PTPRZ1: variants seen among roughly 807,000 people sequenced by gnomAD.
PTPRZ1 encodes the protein protein tyrosine phosphatase receptor type Z1.
In PTPRZ1, 82 loss-of-function variants were observed where a neutral mutation model predicts 214.1. The ratio of observed to expected loss-of-function variants is 0.38; its 90% CI spans 0.32 to 0.46. PTPRZ1 has a LOEUF of 0.46. Ranked by LOEUF, PTPRZ1 falls within the 20% of genes least tolerant of loss-of-function variation. The probability of loss-of-function intolerance (pLI) is 1.00; values close to 1 mark genes in which losing one functional copy is unlikely to be tolerated. For synonymous variants in PTPRZ1, 945 were observed against 987.9 expected, an observed-to-expected ratio of 0.96 and a Z score of 0.81; for missense variants, 2,603 against 2,748.7, an observed-to-expected ratio of 0.95 and a Z score of 1.19.
chr7:121,926,649 G>A lies in PTPRZ1; in HGVS notation c.59-1507G>A, dbSNP rs1033245020. On this transcript the variant is annotated intron_variant, in intron 1 of 29. Coordinates refer to ENST00000393386, the MANE Select transcript of PTPRZ1 (RefSeq NM_002851.3). Reference sequence around the variant, plus strand: ...GTGTTTTCCTAGGGCTGGGGGATGGGCGTGGGTGTGGGGTGGCAGCTAAGG... The same window carrying A: ...GTGTTTTCCTAGGGCTGGGGGATGGACGTGGGTGTGGGGTGGCAGCTAAGG... Among the ~76,000 whole-genome samples, 7 of 152,288 alleles carry A rather than the reference G, an allele frequency of 4.6e-5. No homozygotes were observed. The South Asian group carries it at 1.0e-3, about 23-fold the overall frequency.
At chr7:122,028,025 T>C (rs1799254642) in intron 13 of PTPRZ1, among the ~76,000 whole-genome samples, 1 of 152,226 alleles carries the variant, frequency 6.6e-6, no homozygotes, top group Non-Finnish European at 1.5e-5. Context: ...TCATAGTTCA[T>C]TTCTATGTAC....
intron 8 of PTPRZ1, among the ~76,000 whole-genome samples, chr7:121,986,185 C>A (rs889080829): frequency 2.4e-4 from 37 of 152,234 alleles, no homozygotes; most frequent in African/African-American, 8.4e-4. Context: ...GCATTGGAAC[C>A]AGACAATATT....
chr7:122,010,985 TC>T lies in PTPRZ1; in HGVS notation c.1940del (p.Ser647LeufsTer14). On this transcript the variant is annotated frameshift_variant, in exon 12 of 30. Transcript: ENST00000393386. LOFTEE classifies it high-confidence loss of function. Reference protein sequence around the residue: ...SGSEESLKDPSMEGNVWFPSS... With the variant: ...SGSEESLKDPXMEGNVWFPSS... ...TTCAGAAGAATCACTAAAGGATCCT[TC>T]TATGGAGGGAAATGTGTGGTTTCCT... 1 of 1,614,100 alleles carries T rather than the reference TC, an allele frequency of 6.2e-7. No homozygotes were observed. The highest frequency in any genetic ancestry group is 1.3e-5 in the African/African-American group (1 of 75,028).
intron 1 of PTPRZ1, among the ~76,000 whole-genome samples, chr7:121,895,609 T>A (rs1426625925): frequency 6.6e-6 from 1 of 152,210 alleles, no homozygotes; most frequent in Non-Finnish European, 1.5e-5. Flanking sequence ...TGCTACAATT[T>A]TATGAATCTT....
intron 24 of PTPRZ1, 54 bp from the exon 25 acceptor site, chr7:122,051,812 T>C (rs1792194132): frequency 1.4e-6 from 2 of 1,408,602 alleles, no homozygotes; most frequent in Non-Finnish European, 2.0e-6. Flanking sequence ...GAGCATGAGT[T>C]GTTTTGTTTT....
chr7:121,924,037 T>TA (rs905874307), intron 1 of PTPRZ1, among the ~76,000 whole-genome samples: 3 of 152,042 alleles, frequency 2.0e-5, no homozygotes, highest in African/African-American at 4.8e-5. Flanking sequence ...AAGGTAACCT[T>TA]AAAAAAGATT....
In PTPRZ1 at chr7:122,034,080, T is replaced by G; in HGVS notation, c.5167-15T>G. The G allele has an allele frequency of 3.8e-6, 6 of 1,586,726 alleles. No individual in the cohort carries two copies. The highest frequency in any genetic ancestry group is 5.2e-6 in the Non-Finnish European group (6 of 1,156,416). On this transcript the variant is annotated splice_polypyrimidine_tract_variant and intron_variant, in intron 15 of 29. Coordinates refer to ENST00000393386, the MANE Select transcript of PTPRZ1 (RefSeq NM_002851.3). ...TTTGATTTCTTTACTTTTTTGGCAT[T>G]CATTCCCTCATTAGACACTGAAAGA... is the stretch of plus-strand genomic sequence containing the variant.
At chr7:121,874,942 A>AAT (rs1348850125) in intron 1 of PTPRZ1, among the ~76,000 whole-genome samples, 1 of 152,198 alleles carries the variant, frequency 6.6e-6, no homozygotes, top group African/African-American at 2.4e-5. Flanking sequence ...TTAGTAATTA[A>AAT]ATTATGTAAG....
At chr7:121,989,593 T>C (rs1196503) in intron 8 of PTPRZ1, among the ~76,000 whole-genome samples, 119,132 of 152,028 alleles carry the variant, frequency 0.78, 47,358 homozygotes, top group South Asian at 0.9. Context: ...AGGCTGGTCT[T>C]GAACTCCCGA....
intron 8 of PTPRZ1, among the ~76,000 whole-genome samples, chr7:121,995,117 T>C (rs1798093011): frequency 6.6e-6 from 1 of 152,024 alleles, no homozygotes. Context: ...AAAATTTGTT[T>C]CCATTTGTAA....
At chr7:122,039,156 G>T (rs1202897681) in intron 19 of PTPRZ1, among the ~76,000 whole-genome samples, 1 of 152,126 alleles carries the variant, frequency 6.6e-6, no homozygotes, top group Non-Finnish European at 1.5e-5. Flanking sequence ...GAGTGAAATC[G>T]ATTTTAATTC....
chr7:122,052,656 G>T (rs1683770525), intron 25 of PTPRZ1, among the ~76,000 whole-genome samples: 1 of 152,180 alleles, frequency 6.6e-6, no homozygotes, highest in Admixed American at 6.6e-5. Context: ...GGATCTGAAA[G>T]CAGAAGGGGC....
intron 1 of PTPRZ1, among the ~76,000 whole-genome samples, chr7:121,899,696 T>A (rs1358353270): frequency 6.6e-6 from 1 of 152,150 alleles, no homozygotes; most frequent in Non-Finnish European, 1.5e-5. Context: ...TGGAAGACCC[T>A]ATAGCTCTGT....
chr7:122,058,863 A>G lies in PTPRZ1; in HGVS notation c.6592A>G (p.Ile2198Val), dbSNP rs1792467060. The change falls in exon 28 of 30, where the codon ATT (isoleucine) becomes GTT (valine). Residue 2198 changes from isoleucine (I) to valine (V), a missense_variant. Coordinates refer to ENST00000393386, the MANE Select transcript of PTPRZ1 (RefSeq NM_002851.3). ...TAAATGGCCAAATCCAGATAGCCCC[A>G]TTAGTAAAACTTTTGAACTTATAAG... ...CPKWPNPDSP[I>V]SKTFELISVI... 6.3e-6 allele frequency: 10 copies of G among 1,596,280 alleles called. No homozygotes were observed. The East Asian group carries it at 2.0e-4, about 32-fold the overall frequency.
At position 122,059,769 on chromosome 7, in the gene PTPRZ1, G is replaced by A. The variant is rs748101868; in HGVS notation, c.6688G>A (p.Ala2230Thr). The stretch of plus-strand genomic sequence containing the variant: ...TTTTACAAGGCATGGAGGAGTGACG[G>A]CAGGAACTTTCTGTGCTCTGACAAC... The part of the protein sequence containing the change: ...IVHDEHGGVT[A>T]GTFCALTTLM... Residue 2230 changes from alanine (A) to threonine (T), a missense_variant, in exon 29 of 30, where the codon GCA (alanine) becomes ACA (threonine). Ala to Thr is a moderately conservative substitution (Grantham distance 58). Transcript: ENST00000393386. 22 of 1,611,556 alleles carry A rather than the reference G, an allele frequency of 1.4e-5. No individual in the cohort carries two copies. The highest frequency in any genetic ancestry group is 2.2e-5 in the East Asian group (1 of 44,826).
chr7:121,880,509 A>C (rs754259412), intron 1 of PTPRZ1, among the ~76,000 whole-genome samples: 3 of 152,134 alleles, frequency 2.0e-5, no homozygotes, highest in Non-Finnish European at 2.9e-5. Flanking sequence ...CTATTTCTTG[A>C]ATCCTAAAGC....
chr7:121,925,250 G>A (rs1166065222), intron 1 of PTPRZ1, among the ~76,000 whole-genome samples: 1 of 152,082 alleles, frequency 6.6e-6, no homozygotes, highest in Non-Finnish European at 1.5e-5. Flanking sequence ...CTAATATCCA[G>A]TTGTATATAT....
At chr7:122,037,042 G>A (rs1799567311) in intron 18 of PTPRZ1, among the ~76,000 whole-genome samples, 2 of 151,428 alleles carry the variant, frequency 1.3e-5, no homozygotes, top group South Asian at 4.2e-4. Flanking sequence ...GGAGGCTGAG[G>A]CAGGCGGATC....
At chr7:121,907,061 A>G (rs1339131619) in intron 1 of PTPRZ1, among the ~76,000 whole-genome samples, 1 of 152,082 alleles carries the variant, frequency 6.6e-6, no homozygotes, top group Non-Finnish European at 1.5e-5. Flanking sequence ...TTTTATCTCT[A>G]TTTGTTATTA....
Sources: allele counts gnomAD v4.1 joint callset (sites outside exome capture counted in the v4.1 genomes callset), GRCh38; gene constraint gnomAD v4.1.1; transcripts MANE v1.5; gene names NCBI Gene and HGNC (gene_info 2026-07-23, HGNC 2026-07-21).